Variants in SPATS2 observed in about 807,000 individuals in gnomAD.
The protein encoded by SPATS2 is spermatogenesis associated serine rich 2.
A neutral mutation model predicts 63.7 loss-of-function variants in SPATS2; 38 were observed. That is an observed-to-expected ratio of 0.60 (90% CI 0.46 to 0.78). The LOEUF is 0.78. Ranked by LOEUF, SPATS2 falls within the 30% of genes least tolerant of loss-of-function variation. SPATS2 has a pLI of 0.00. For missense variants in SPATS2, 588 were observed against 666.2 expected, an observed-to-expected ratio of 0.88 and a Z score of 1.29; for synonymous variants, 207 against 232.9, an observed-to-expected ratio of 0.89 and a Z score of 1.01.
intron 2 of SPATS2, among the ~76,000 whole-genome samples, chr12:49,401,714 T>C (rs1592362376): frequency 1.3e-5 from 2 of 152,322 alleles, no homozygotes; most frequent in East Asian, 3.9e-4. Context: ...TAATTTATTT[T>C]TGAGACAGGG....
At chr12:49,423,661 A>G (rs74705009) in intron 2 of SPATS2, among the ~76,000 whole-genome samples, 8,553 of 152,286 alleles carry the variant, frequency 0.056, 364 homozygotes, top group Non-Finnish European at 0.082. Flanking sequence ...GAAATGAGAA[A>G]GTTTAAAGTT....
At chr12:49,399,983 CAG>C (rs1433945836) in intron 2 of SPATS2, among the ~76,000 whole-genome samples, 12 of 152,188 alleles carry the variant, frequency 7.9e-5, no homozygotes, top group African/African-American at 2.9e-4. Flanking sequence ...TTGCAGTGAG[CAG>C]CGATCACGCC....
intron 9 of SPATS2, among the ~76,000 whole-genome samples, chr12:49,507,485 G>A (rs1390592829): frequency 1.3e-5 from 2 of 151,740 alleles, no homozygotes; most frequent in African/African-American, 2.4e-5. Flanking sequence ...TTTGATGGAG[G>A]GATCTGAATT....
intron 11 of SPATS2, among the ~76,000 whole-genome samples, chr12:49,520,299 G>A (rs1039574420): frequency 6.6e-6 from 1 of 152,008 alleles, no homozygotes; most frequent in African/African-American, 2.4e-5. Context: ...TATCCTTTTA[G>A]TAGAGATGGG....
At chr12:49,477,181 A>C (rs11169042) in intron 3 of SPATS2, among the ~76,000 whole-genome samples, 1 of 151,980 alleles carries the variant, frequency 6.6e-6, no homozygotes, top group Non-Finnish European at 1.5e-5. Context: ...CAGGAAATCT[A>C]TGAGGGAAAG....
At chr12:49,444,216 GTT>G (rs879264856) in intron 2 of SPATS2, among the ~76,000 whole-genome samples, 1 of 92,216 alleles carries the variant, frequency 1.1e-5, no homozygotes. Flanking sequence ...TTTTGTTGTT[GTT>G]TTTTTTTTTT....
At position 49,442,785 on chromosome 12, in the gene SPATS2, TTAAAAAAAAAAAAAAAAAAAAA is replaced by T. The variant is rs1264830488; in HGVS notation, c.-243-17984_-243-17963del. 3.2e-5 allele frequency: 2 copies of T among 62,916 alleles called. 1 individual carries two copies. Among genetic ancestry groups the T allele is most frequent in the African/African-American group, 8.4e-5 (2 of 23,798 alleles). 3.9% of individuals were successfully genotyped at this position (62,916 alleles called of 1,614,324 possible). On this transcript the variant is annotated intron_variant, in intron 2 of 13. Coordinates refer to ENST00000552918, the MANE Select transcript of SPATS2 (RefSeq NM_023071.4). ...GGCAACAGAGAGAGACCATGTCTCC[TTAAAAAAAAAAAAAAAAAAAAA>T]AAAAAAAAAAAAAAATTACATTCAC...
intron 13 of SPATS2, 66 bp from the exon 14 acceptor site, chr12:49,525,878 G>A: frequency 6.5e-7 from 1 of 1,538,684 alleles, no homozygotes; most frequent in Non-Finnish European, 8.8e-7. Flanking sequence ...GAATACTCCT[G>A]TAAAGTGAAC....
At chr12:49,429,658 G>A (rs966755075) in intron 2 of SPATS2, among the ~76,000 whole-genome samples, 1 of 151,970 alleles carries the variant, frequency 6.6e-6, no homozygotes, top group Non-Finnish European at 1.5e-5. Flanking sequence ...GTTTCACCAT[G>A]TTGGCCAGGC....
chr12:49,386,823 T>C (rs562749299), intron 2 of SPATS2, among the ~76,000 whole-genome samples: 1 of 152,194 alleles, frequency 6.6e-6, no homozygotes. Context: ...CAGTGGGAGC[T>C]AATTGATATT....
At chr12:49,376,281 T>C (rs553890288) in intron 2 of SPATS2, among the ~76,000 whole-genome samples, 40 of 151,770 alleles carry the variant, frequency 2.6e-4, no homozygotes, top group Admixed American at 2.2e-3. Flanking sequence ...TTTTGTATTT[T>C]TAGTAGAGAC....
At chr12:49,491,741 A>G (rs942098772) in intron 6 of SPATS2, among the ~76,000 whole-genome samples, 51 of 152,184 alleles carry the variant, frequency 3.4e-4, no homozygotes, top group African/African-American at 1.2e-3. Flanking sequence ...TAATAAATAC[A>G]AATACATAAT....
chr12:49,509,753 G>A (rs1404767991), intron 9 of SPATS2, among the ~76,000 whole-genome samples: 7 of 149,718 alleles, frequency 4.7e-5, no homozygotes, highest in South Asian at 2.1e-4. Context: ...GGAGGTAGAC[G>A]TTGCAGTGAG....
At chr12:49,482,605 T>C (rs1002265014) in intron 3 of SPATS2, among the ~76,000 whole-genome samples, 1 of 152,162 alleles carries the variant, frequency 6.6e-6, no homozygotes, top group East Asian at 1.9e-4. Context: ...CCTTTGAAAA[T>C]ACTCCTATTA....
intron 2 of SPATS2, among the ~76,000 whole-genome samples, chr12:49,381,791 T>C (rs893453899): frequency 2.0e-5 from 3 of 152,208 alleles, no homozygotes; most frequent in African/African-American, 7.2e-5. Context: ...CAAAAGAAGA[T>C]AGATGAGAAT....
chr12:49,393,607 T>C (rs1414900015), intron 2 of SPATS2, among the ~76,000 whole-genome samples: 1 of 152,068 alleles, frequency 6.6e-6, no homozygotes, highest in East Asian at 1.9e-4. Context: ...TGTTTTAGAG[T>C]GTGATTATAA....
chr12:49,375,262 G>A (rs1037508060), intron 2 of SPATS2, among the ~76,000 whole-genome samples: 1 of 150,908 alleles, frequency 6.6e-6, no homozygotes, highest in Non-Finnish European at 1.5e-5. Context: ...TTGTGATGAG[G>A]CCATTATATG....
chr12:49,483,053 T>C (rs1281289539), intron 3 of SPATS2, among the ~76,000 whole-genome samples: 1 of 148,698 alleles, frequency 6.7e-6, no homozygotes, highest in African/African-American at 2.5e-5. Context: ...CCTCCCAAAA[T>C]GTTCGGATTA....
Position 49,514,336 on chromosome 12 carries a change from T to A in SPATS2, c.840-219T>A, listed in dbSNP as rs1946804333. ...GCTGCAATGTACCAATATTGCAATA[T>A]AAAAGGGAATTGGGTCTATTTATTT... On this transcript the variant is annotated intron_variant, in intron 9 of 13. Transcript: ENST00000552918. The A allele has an allele frequency of 8.1e-6, 4 of 495,360 alleles. No homozygotes were observed. The East Asian group carries it at 1.4e-4, about 17-fold the overall frequency. 30.7% of individuals were successfully genotyped at this position (495,360 alleles called of 1,614,324 possible).
Sources: gnomAD v4.1 joint callset for allele counts (sites outside exome capture counted in the v4.1 genomes callset) on GRCh38, gnomAD v4.1.1 for gene constraint, MANE v1.5 for transcripts, NCBI Gene and HGNC (gene_info 2026-07-23, HGNC 2026-07-21) for gene names.